NOC3L: variants seen among roughly 807,000 people sequenced by gnomAD.
NOC3L encodes nucleolar complex protein 3 homolog.
A neutral mutation model predicts 102.5 loss-of-function variants in NOC3L; 85 were observed. The observed-to-expected ratio is 0.83, with a 90% CI of 0.70 to 0.99. The LOEUF (loss-of-function observed/expected upper bound fraction) is 0.99, where lower values mean the gene tolerates loss of function less well. Among genes scored for constraint, NOC3L ranks in the 50% least tolerant of loss-of-function variants. The pLI, the probability that NOC3L is intolerant of heterozygous loss-of-function variation, is 0.00. For synonymous variants in NOC3L, 303 were observed against 309.4 expected (o/e 0.98, Z 0.22); for missense variants, 878 against 914.9 (o/e 0.96, Z 0.52).
At chr10:94,356,412 G>A in intron 5 of NOC3L, 123 bp downstream of exon 5, 1 of 656,498 alleles carries the variant, frequency 1.5e-6, no homozygotes, top group South Asian at 1.8e-5. Flanking sequence ...AATGTTCAAA[G>A]TGACCTTGAA....
chr10:94,356,709 A>G (rs1221196118), intron 4 of NOC3L, 118 bp from the exon 5 acceptor site: 1 of 671,898 alleles, frequency 1.5e-6, no homozygotes, highest in Middle Eastern at 2.6e-4. Flanking sequence ...TTATGGGAAG[A>G]GCACAATTAG....
chr10:94,318,776 A>G, the NOC3L span, among the ~76,000 whole-genome samples: 1 of 152,184 alleles, frequency 6.6e-6, no homozygotes, highest in Non-Finnish European at 1.5e-5. Flanking sequence ...GTATACCACA[A>G]CAAGCTGGGC....
chr10:94,330,809 A>G (rs1373239893), downstream of NOC3L: 1 of 152,224 alleles, frequency 6.6e-6, no homozygotes, highest in Non-Finnish European at 1.5e-5. Flanking sequence ...TTAAACAGCT[A>G]TATTATGCCA....
intron 19 of NOC3L, among the ~76,000 whole-genome samples, chr10:94,335,941 T>C (rs564222373): frequency 2.0e-5 from 3 of 152,216 alleles, no homozygotes; most frequent in South Asian, 4.1e-4. Context: ...TAACAGTCAA[T>C]GTGATGGTAT....
Position 94,338,736 on chromosome 10 carries a change from T to A in NOC3L, c.1963A>T (p.Thr655Ser), listed in dbSNP as rs12259382. 5.8e-3 allele frequency: 9,414 copies of A among 1,609,298 alleles called. 358 individuals carry two copies. The African/African-American group carries it at 0.094, about 16-fold the overall frequency. ...ILATTRILMH[T>S]FPKTDLLLDS... ...AGCAGTAGATCTGTTTTGGGGAAAG[T>A]CTGCAAAAATGTCACATAAAAAGAA... The change falls in exon 18 of 21, where the codon ACT becomes TCT. Residue 655 changes from threonine to serine, a missense_variant and splice_region_variant. Thr to Ser is a moderately conservative substitution (Grantham distance 58). Coordinates refer to ENST00000371361, the MANE Select transcript of NOC3L (RefSeq NM_022451.11).
At chr10:94,355,568 T>C (rs1329377399) in intron 5 of NOC3L, among the ~76,000 whole-genome samples, 1 of 151,886 alleles carries the variant, frequency 6.6e-6, no homozygotes, top group Non-Finnish European at 1.5e-5. Flanking sequence ...TTTGTGTTTT[T>C]TGTAGAGACG....
At chr10:94,316,967 T>C in the NOC3L span, among the ~76,000 whole-genome samples, 1 of 152,226 alleles carries the variant, frequency 6.6e-6, no homozygotes, top group South Asian at 2.1e-4. Flanking sequence ...AAACATCCCT[T>C]AGACCGGGCG....
chr10:94,327,907 G>A, the NOC3L span: 23 of 497,080 alleles, frequency 4.6e-5, no homozygotes, highest in African/African-American at 7.8e-5. Flanking sequence ...TTGGTATACC[G>A]CAAGTGTTTC....
chr10:94,359,651 T>C (rs1211758705), intron 2 of NOC3L, among the ~76,000 whole-genome samples: 2 of 152,096 alleles, frequency 1.3e-5, no homozygotes, highest in East Asian at 3.9e-4. Flanking sequence ...CTCAACATCA[T>C]TGATCATCAG....
chr10:94,322,108 A>G, the NOC3L span: 1 of 1,539,244 alleles, frequency 6.5e-7, no homozygotes, highest in African/African-American at 1.4e-5. Flanking sequence ...AGCATAAATT[A>G]TTGGAACAAA....
Position 94,333,504 on chromosome 10 carries a change from C to G in NOC3L, c.*673G>C. On this transcript the variant is annotated 3_prime_UTR_variant, in exon 21 of 21. Coordinates refer to ENST00000371361, the MANE Select transcript of NOC3L (RefSeq NM_022451.11). Reference sequence around the variant, plus strand: ...GGAGCAATTCTTCCCCAGTCACCCTCCAGGGAATGTCAGAAAACGTGAAGA... The same window carrying G: ...GGAGCAATTCTTCCCCAGTCACCCTGCAGGGAATGTCAGAAAACGTGAAGA... The G allele has an allele frequency of 6.6e-6, 1 of 152,072 alleles. No homozygotes were observed. Among genetic ancestry groups the G allele is most frequent in the Non-Finnish European group, 1.5e-5 (1 of 68,004 alleles). The allele number at this position is 152,072 out of a possible 1,614,324, so 9.4% of individuals were successfully genotyped here. A position where few individuals can be genotyped will look rare whatever the true frequency, so the allele number is the denominator to read the frequency against.
At chr10:94,358,733 T>A (rs866249589) in intron 2 of NOC3L, among the ~76,000 whole-genome samples, 1 of 152,180 alleles carries the variant, frequency 6.6e-6, no homozygotes, top group South Asian at 2.1e-4. Context: ...CAGCTCCCAT[T>A]CAGTTACTTC....
In NOC3L at chr10:94,337,881, G is replaced by A; in HGVS notation, c.2092-7C>T. ...CTATGGGATGATAATGCCTCTGAAG[G>A]GAAAACGGGACAATCACATTCTGCA... On this transcript the variant is annotated splice_polypyrimidine_tract_variant and splice_region_variant and intron_variant, in intron 18 of 20. Transcript: ENST00000371361. The A allele has an allele frequency of 1.2e-6, 2 of 1,601,104 alleles. No individual in the cohort carries two copies. The highest frequency in any genetic ancestry group is 1.7e-6 in the Non-Finnish European group (2 of 1,168,576).
At position 94,351,903 on chromosome 10, in the gene NOC3L, A is replaced by T. The variant is rs182324732; in HGVS notation, c.952+407T>A. Among the ~76,000 whole-genome samples the T allele has an allele frequency of 2.1e-4, 32 of 152,310 alleles. 1 individual carries two copies. The highest frequency in any genetic ancestry group is 1.5e-3 in the Admixed American group (23 of 15,292). On this transcript the variant is annotated intron_variant, in intron 8 of 20. Coordinates refer to ENST00000371361, the MANE Select transcript of NOC3L (RefSeq NM_022451.11). ...GAATAAATCCCAACTGTTCATAACA[A>T]TGTATTTTGTTAAATGCATTGTAGT...
the NOC3L span, chr10:94,316,609 A>G: frequency 6.2e-7 from 1 of 1,608,592 alleles, no homozygotes; most frequent in South Asian, 1.1e-5. Flanking sequence ...TGGAAGAAAA[A>G]TATTTTATAT....
intron 2 of NOC3L, among the ~76,000 whole-genome samples, chr10:94,359,420 A>G (rs1378480903): frequency 1.3e-5 from 2 of 152,074 alleles, no homozygotes; most frequent in African/African-American, 2.4e-5. Flanking sequence ...ACTGAACTCC[A>G]GCCTGGGCAA....
At position 94,334,357 on chromosome 10, in the gene NOC3L, A is replaced by C. The variant is rs115806387; in HGVS notation, c.2275-52T>G. ...AGAAGTTACTTATGCTATAAGCTAA[A>C]GCCAACCTGTGAACCAAGTTGAAAA... is the stretch of plus-strand genomic sequence containing the variant. On this transcript the variant is annotated intron_variant, in intron 20 of 20. Coordinates refer to ENST00000371361, the MANE Select transcript of NOC3L (RefSeq NM_022451.11). The C allele has an allele frequency of 1.6e-3, 1,871 of 1,206,992 alleles. 15 individuals carry two copies. The African/African-American group carries it at 0.025, about 16-fold the overall frequency. 74.8% of individuals were successfully genotyped at this position (1,206,992 alleles called of 1,614,324 possible). A position where few individuals can be genotyped will look rare whatever the true frequency, so the allele number is the denominator to read the frequency against.
At chr10:94,343,633 T>C (rs2054310663) in intron 13 of NOC3L, among the ~76,000 whole-genome samples, 1 of 152,206 alleles carries the variant, frequency 6.6e-6, no homozygotes, top group African/African-American at 2.4e-5. Context: ...TGGTAGCCAC[T>C]AGCCACATGT....
At chr10:94,360,863 T>A (rs1564919951) in intron 2 of NOC3L, among the ~76,000 whole-genome samples, 1 of 151,878 alleles carries the variant, frequency 6.6e-6, no homozygotes, top group Non-Finnish European at 1.5e-5. Context: ...AAAAAAAACT[T>A]TAGCTGGGTG....
Sources: allele counts gnomAD v4.1 joint callset (sites outside exome capture counted in the v4.1 genomes callset), GRCh38; gene constraint gnomAD v4.1.1; transcripts MANE v1.5; gene names NCBI Gene and HGNC (gene_info 2026-07-23, HGNC 2026-07-21).